The following LATS2 variants were observed in gnomAD, a reference collection of about 807,000 sequenced individuals.
LATS2 encodes the protein large tumor suppressor kinase 2.
Under a neutral mutation model 76.0 loss-of-function variants are expected in LATS2, and 24 were observed. That is an observed-to-expected ratio of 0.32 (90% CI 0.23 to 0.44). The LOEUF (loss-of-function observed/expected upper bound fraction) is 0.44, where lower values mean the gene tolerates loss of function less well. LATS2 is among the 20% of genes least tolerant of loss of function. The pLI, the probability that LATS2 is intolerant of heterozygous loss-of-function variation, is 1.00. For missense variants in LATS2, 1,286 were observed against 1,481.2 expected (o/e 0.87, Z 2.16); for synonymous variants, 692 against 635.4 (o/e 1.09, Z -1.34).
chr13:21,050,147 G>C (rs8000046), intron 1 of LATS2, among the ~76,000 whole-genome samples: 1,039 of 53,894 alleles, frequency 0.019, 34 homozygotes, highest in African/African-American at 0.046. Flanking sequence ...TAGATAGATA[G>C]ATACATACAT....
At chr13:20,994,990 G>C (rs1431017315) in intron 2 of LATS2, among the ~76,000 whole-genome samples, 1 of 152,148 alleles carries the variant, frequency 6.6e-6, no homozygotes, top group Non-Finnish European at 1.5e-5. Flanking sequence ...GGCGCAGATA[G>C]GGAGGCCACA....
chr13:20,975,125 G>A lies in LATS2; in HGVS notation c.3012C>T (p.Pro1004=), dbSNP rs3742220. ...CGTTCCAAGGGCTTTCTTCATCTAC[G>A]GGGTCGAAATTCGAGGTGTCCATGG... ...SHPMDTSNFD[P]VDEESPWNDA... is the part of the protein sequence containing the mutation. The change falls in exon 8 of 8, where the codon CCC becomes CCT. Residue 1004 remains proline, a synonymous_variant. Coordinates refer to ENST00000382592, the MANE Select transcript of LATS2 (RefSeq NM_014572.3). The A allele has an allele frequency of 3.7e-3, 5,901 of 1,614,212 alleles. 21 individuals carry two copies. The highest frequency in any genetic ancestry group is 5.3e-3 in the East Asian group (237 of 44,886).
chr13:20,986,050 GA>G (rs892580550), intron 4 of LATS2, among the ~76,000 whole-genome samples: 2 of 151,556 alleles, frequency 1.3e-5, no homozygotes, highest in African/African-American at 2.4e-5. Flanking sequence ...GTCTCAAAAA[GA>G]AAAAAAAGTG....
intron 1 of LATS2, among the ~76,000 whole-genome samples, chr13:21,051,083 G>A (rs966509267): frequency 1.3e-5 from 2 of 152,234 alleles, no homozygotes; most frequent in East Asian, 1.9e-4. Flanking sequence ...CGCATACGCC[G>A]TGTCAGGGGA....
At chr13:21,024,093 C>CAAAAAAAAAAAAAAAA (rs748881098) in intron 2 of LATS2, among the ~76,000 whole-genome samples, 1 of 79,208 alleles carries the variant, frequency 1.3e-5, no homozygotes, top group African/African-American at 4.4e-5. Context: ...TCTCGCTGTG[C>CAAAAAAAAAAAAAAAA]AAAAAAAAAA....
chr13:21,058,221 C>A (rs549670690), intron 1 of LATS2, among the ~76,000 whole-genome samples: 3 of 152,320 alleles, frequency 2.0e-5, no homozygotes, highest in South Asian at 4.1e-4. Context: ...TTTCTTCACA[C>A]CAACTGTTTT....
chr13:21,052,749 G>A (rs1021684199), intron 1 of LATS2, among the ~76,000 whole-genome samples: 1 of 151,948 alleles, frequency 6.6e-6, no homozygotes, highest in Admixed American at 6.6e-5. Context: ...GAGAAGAAAA[G>A]CTTAAGTCTT....
intron 2 of LATS2, among the ~76,000 whole-genome samples, chr13:21,003,400 C>T (rs1764538): frequency 0.26 from 38,627 of 151,360 alleles, 5,314 homozygotes; most frequent in African/African-American, 0.35. Flanking sequence ...ACTACAGGTG[C>T]GCCACCACAC....
chr13:21,010,197 CAAA>C lies in LATS2; in HGVS notation c.343-18796_343-18794del, dbSNP rs1402091791. Among the ~76,000 whole-genome samples the C allele has an allele frequency of 8.3e-5, 6 of 72,630 alleles. No homozygotes were observed. The East Asian group carries it at 1.2e-3, about 14-fold the overall frequency. 47.6% of individuals were successfully genotyped at this position (72,630 alleles called of 152,430 possible). ...AGTAGGCCATGGAGCTAGACTCTGT[CAAA>C]AAAACAAACAAACAAACAAACAAAA... is the stretch of plus-strand genomic sequence containing the variant. On this transcript the variant is annotated intron_variant, in intron 2 of 7. Transcript: ENST00000382592.
intron 4 of LATS2, among the ~76,000 whole-genome samples, chr13:20,986,628 G>A (rs1870156453): frequency 6.6e-6 from 1 of 152,152 alleles, no homozygotes. Flanking sequence ...GGGAAAGGGT[G>A]TGTGTGTGTT....
chr13:20,999,265 C>T (rs531275274), intron 2 of LATS2, among the ~76,000 whole-genome samples: 3 of 152,234 alleles, frequency 2.0e-5, no homozygotes, highest in Non-Finnish European at 4.4e-5. Flanking sequence ...CCGCTGGTGG[C>T]GCCGCAGGCC....
intron 7 of LATS2, among the ~76,000 whole-genome samples, chr13:20,979,402 C>T (rs1869770280): frequency 6.6e-6 from 1 of 152,058 alleles, no homozygotes; most frequent in Non-Finnish European, 1.5e-5. Context: ...CACACCTTTG[C>T]TGATCCTCAC....
chr13:20,974,932 A>G lies in LATS2; in HGVS notation c.3205T>C (p.Ser1069Pro). 1 of 1,614,078 alleles carries G rather than the reference A, an allele frequency of 6.2e-7. No homozygotes were observed. The highest frequency in any genetic ancestry group is 8.5e-7 in the Non-Finnish European group (1 of 1,180,010). ...ACCAGATCAGAGCTTTCTAAATCTG[A>G]GCTCTCAGCCTGTGAAGCTTCTGCT... ...SGAEASQAES[S>P]DLESSDLVDQ... Residue 1069 changes from serine to proline, a missense_variant, in exon 8 of 8, where the codon TCA (serine) becomes CCA (proline). Ser to Pro is a moderately conservative substitution (Grantham distance 74, BLOSUM62 -1). Transcript: ENST00000382592.
At chr13:21,012,443 T>C (rs1855310751) in intron 2 of LATS2, among the ~76,000 whole-genome samples, 5 of 152,188 alleles carry the variant, frequency 3.3e-5, no homozygotes, top group Non-Finnish European at 7.4e-5. Flanking sequence ...CATTAGCTAA[T>C]AGGAATTTTC....
intron 2 of LATS2, among the ~76,000 whole-genome samples, chr13:21,034,731 C>A (rs943890778): frequency 7.2e-6 from 1 of 139,518 alleles, no homozygotes; most frequent in Admixed American, 7.2e-5. Context: ...GGGCCGCTGC[C>A]GAGCCTACAC....
chr13:21,060,605 C>G (rs1182656140), intron 1 of LATS2, among the ~76,000 whole-genome samples: 1 of 151,892 alleles, frequency 6.6e-6, no homozygotes, highest in Non-Finnish European at 1.5e-5. Flanking sequence ...CTGACTGGCC[C>G]GTGAGCCGGC....
At chr13:20,985,210 G>T (rs955412299) in intron 4 of LATS2, among the ~76,000 whole-genome samples, 3 of 152,142 alleles carry the variant, frequency 2.0e-5, no homozygotes, top group Admixed American at 2.0e-4. Flanking sequence ...TTTGAGCAAA[G>T]ATTTTTATGG....
At chr13:21,024,154 C>T (rs1286414742) in intron 2 of LATS2, among the ~76,000 whole-genome samples, 1 of 149,614 alleles carries the variant, frequency 6.7e-6, no homozygotes, top group Non-Finnish European at 1.5e-5. Context: ...CAGGAATGGG[C>T]CGGGCATAGT....
chr13:21,059,052 T>G (rs1345772241), intron 1 of LATS2, among the ~76,000 whole-genome samples: 1 of 152,150 alleles, frequency 6.6e-6, no homozygotes, highest in African/African-American at 2.4e-5. Flanking sequence ...GGAAGGCCCC[T>G]CATCTTCTAA....
Sources: allele counts gnomAD v4.1 joint callset (sites outside exome capture counted in the v4.1 genomes callset), GRCh38; gene constraint gnomAD v4.1.1; transcripts MANE v1.5; gene names NCBI Gene and HGNC (gene_info 2026-07-23, HGNC 2026-07-21).